The following UBE2L3 variants were observed in gnomAD, a reference collection of about 807,000 sequenced individuals.
The protein encoded by UBE2L3 is ubiquitin conjugating enzyme E2 L3.
In UBE2L3, 1 loss-of-function variant was observed where a neutral mutation model predicts 17.8. The observed-to-expected ratio is 0.06, with a 90% CI of 0.02 to 0.27. UBE2L3 has a LOEUF of 0.27. UBE2L3 is among the 10% of genes least tolerant of loss of function. The pLI is 1.00. For missense variants in UBE2L3, 40 were observed against 192.6 expected (o/e 0.21, Z 4.69); for synonymous variants, 44 against 68.5 (o/e 0.64, Z 1.76).
chr22:21,585,496 A>G (rs1051542685), intron 1 of UBE2L3, among the ~76,000 whole-genome samples: 3 of 152,156 alleles, frequency 2.0e-5, no homozygotes, highest in Non-Finnish European at 4.4e-5. Context: ...CACCAGGGTG[A>G]CTTCAGGCCA....
chr22:21,613,759 G>T (rs574714243), intron 3 of UBE2L3, among the ~76,000 whole-genome samples: 1 of 152,166 alleles, frequency 6.6e-6, no homozygotes, highest in Admixed American at 6.5e-5. Context: ...GTATTGAGGT[G>T]GGAACTCAAC....
chr22:21,615,776 C>T (rs1250207913), intron 3 of UBE2L3, among the ~76,000 whole-genome samples: 1 of 152,112 alleles, frequency 6.6e-6, no homozygotes, highest in East Asian at 1.9e-4. Flanking sequence ...TTTGAAGTAC[C>T]CCATGCACGT....
chr22:21,564,013 T>C (rs895318047), upstream of UBE2L3, among the ~76,000 whole-genome samples: 2 of 151,584 alleles, frequency 1.3e-5, no homozygotes, highest in African/African-American at 4.8e-5. Context: ...CAAAAAAGTC[T>C]ACTTCTTTTT....
intron 1 of UBE2L3, among the ~76,000 whole-genome samples, chr22:21,590,022 C>T (rs1372908342): frequency 6.6e-6 from 1 of 152,076 alleles, no homozygotes; most frequent in African/African-American, 2.4e-5. Context: ...ACCAAAGCAC[C>T]AGTAAGTGTC....
chr22:21,592,710 C>T (rs1030058073), intron 1 of UBE2L3, 151 bp from the exon 2 acceptor site: 6 of 669,966 alleles, frequency 9.0e-6, no homozygotes, highest in African/African-American at 3.6e-5. Flanking sequence ...CTCCATGCCT[C>T]CTTAACCACT....
At chr22:21,595,398 C>G (rs1928458591) in intron 2 of UBE2L3, among the ~76,000 whole-genome samples, 1 of 152,210 alleles carries the variant, frequency 6.6e-6, no homozygotes, top group Non-Finnish European at 1.5e-5. Context: ...ATTGGACGGG[C>G]TGGGCCAGCA....
At chr22:21,581,786 T>A (rs1927651568) in intron 1 of UBE2L3, among the ~76,000 whole-genome samples, 1 of 140,350 alleles carries the variant, frequency 7.1e-6, no homozygotes, top group Non-Finnish European at 1.5e-5. Flanking sequence ...TGGGCAACAA[T>A]AGTGTAACTG....
upstream of UBE2L3, among the ~76,000 whole-genome samples, chr22:21,565,093 C>CTA (rs754701400): frequency 1.3e-3 from 202 of 151,184 alleles, 1 homozygote; most frequent in Middle Eastern, 3.4e-3. Context: ...ATATATATAT[C>CTA]TATATATATA....
chr22:21,614,419 G>A (rs1438069017), intron 3 of UBE2L3: 9 of 466,842 alleles, frequency 1.9e-5, no homozygotes, highest in Non-Finnish European at 2.7e-5. Context: ...GTGAAACCCC[G>A]TCTGTACCAA....
intron 2 of UBE2L3, among the ~76,000 whole-genome samples, chr22:21,599,056 G>A (rs1928715851): frequency 6.6e-6 from 1 of 152,116 alleles, no homozygotes; most frequent in African/African-American, 2.4e-5. Context: ...TGGCCAGGCT[G>A]GTCTTGAACT....
chr22:21,556,618 T>TC (rs1378881694), intron 1 of UBE2L3, among the ~76,000 whole-genome samples: 1 of 142,532 alleles, frequency 7.0e-6, no homozygotes, highest in African/African-American at 3.1e-5. Flanking sequence ...TTTTTTCTTT[T>TC]TTTTTTTTGT....
chr22:21,568,121 G>C, intron 1 of UBE2L3: 2 of 1,060,978 alleles, frequency 1.9e-6, no homozygotes, highest in Non-Finnish European at 2.3e-6. Context: ...CTCCAAACCG[G>C]GCGCCTTCGG....
At chr22:21,576,013 A>G (rs1927271360) in intron 1 of UBE2L3, among the ~76,000 whole-genome samples, 2 of 151,956 alleles carry the variant, frequency 1.3e-5, no homozygotes, top group African/African-American at 4.8e-5. Context: ...GTAAACATCC[A>G]GTGTAGTGTG....
intron 1 of UBE2L3, among the ~76,000 whole-genome samples, chr22:21,572,587 C>T (rs1286266825): frequency 3.3e-5 from 5 of 152,064 alleles, no homozygotes; most frequent in Admixed American, 1.3e-4. Context: ...ACATTTATTA[C>T]GTTTAAGATA....
At chr22:21,565,958 A>G (rs752817951), upstream of UBE2L3, among the ~76,000 whole-genome samples, 1 of 143,372 alleles carries the variant, frequency 7.0e-6, no homozygotes, top group African/African-American at 2.6e-5. Context: ...CCCATTTTCC[A>G]ATCAGAGTAC....
chr22:21,565,943 C>T (rs1031270995), upstream of UBE2L3, among the ~76,000 whole-genome samples: 1 of 149,998 alleles, frequency 6.7e-6, no homozygotes, highest in African/African-American at 2.4e-5. Flanking sequence ...TACCCACCTC[C>T]ATTCCCCATT....
intron 1 of UBE2L3, among the ~76,000 whole-genome samples, chr22:21,577,740 A>G (rs1927393459): frequency 2.0e-5 from 3 of 152,292 alleles, no homozygotes; most frequent in East Asian, 1.9e-4. Context: ...GGTTTTTAAC[A>G]CTTCCAGGGC....
intron 2 of UBE2L3, among the ~76,000 whole-genome samples, chr22:21,600,047 C>T (rs1928771660): frequency 6.6e-6 from 1 of 152,114 alleles, no homozygotes; most frequent in Non-Finnish European, 1.5e-5. Flanking sequence ...CGCGGTGGCT[C>T]ATGCCAGTAA....
At chr22:21,556,614 CTTTTTTTTTTTTGTATTTTT>C (rs1926235760) in intron 1 of UBE2L3, among the ~76,000 whole-genome samples, 3 of 144,452 alleles carry the variant, frequency 2.1e-5, no homozygotes, top group African/African-American at 7.8e-5. Flanking sequence ...TTTCTTTTTT[CTTTTTTTTTTTTGTATTTTT>C]TTTTTTTTGT....
Sources: gnomAD v4.1 joint callset for allele counts (sites outside exome capture counted in the v4.1 genomes callset) on GRCh38, gnomAD v4.1.1 for gene constraint, MANE v1.5 for transcripts, NCBI Gene and HGNC (gene_info 2026-07-23, HGNC 2026-07-21) for gene names.